ATXN1: variants seen among roughly 807,000 people sequenced by gnomAD.
ATXN1 encodes the protein ataxin-1.
Under a neutral mutation model 56.4 loss-of-function variants are expected in ATXN1, and 8 were observed. The observed-to-expected ratio is 0.14, with a 90% CI of 0.08 to 0.26. The LOEUF (loss-of-function observed/expected upper bound fraction) is 0.26. Among genes scored for constraint, ATXN1 ranks in the 10% least tolerant of loss-of-function variants. ATXN1 has a pLI of 1.00. For synonymous variants in ATXN1, 514 were observed against 494.6 expected, an observed-to-expected ratio of 1.04 and a Z score of -0.52; for missense variants, 987 against 1,106.5, an observed-to-expected ratio of 0.89 and a Z score of 1.53.
chr6:16,350,721 A>G (rs1303854449), intron 6 of ATXN1, among the ~76,000 whole-genome samples: 1 of 152,062 alleles, frequency 6.6e-6, no homozygotes, highest in Non-Finnish European at 1.5e-5. Context: ...TGGTGTCCCT[A>G]TTTGTGGGGA....
intron 2 of ATXN1, among the ~76,000 whole-genome samples, chr6:16,675,645 C>T (rs192974549): frequency 6.2e-4 from 94 of 152,184 alleles, no homozygotes; most frequent in African/African-American, 2.1e-3. Flanking sequence ...CTTTGGGAGG[C>T]TGAGGCTGGC....
intron 2 of ATXN1, among the ~76,000 whole-genome samples, chr6:16,718,359 T>C (rs535554604): frequency 6.6e-6 from 1 of 152,232 alleles, no homozygotes; most frequent in African/African-American, 2.4e-5. Context: ...CAAGGCCAAA[T>C]GCCCCCAAAC....
chr6:16,512,113 C>T (rs1020871982), intron 5 of ATXN1, among the ~76,000 whole-genome samples: 1 of 152,074 alleles, frequency 6.6e-6, no homozygotes, highest in Admixed American at 6.5e-5. Context: ...GCCTCCCCGC[C>T]TCCATTCAGC....
At chr6:16,539,989 A>G (rs1375179210) in intron 4 of ATXN1, among the ~76,000 whole-genome samples, 1 of 152,226 alleles carries the variant, frequency 6.6e-6, no homozygotes, top group Non-Finnish European at 1.5e-5. Context: ...AAGAGGATCC[A>G]TGCCACAGAA....
Position 16,302,477 on chromosome 6 carries a change from A to G in ATXN1, c.*3852T>C, listed in dbSNP as rs1430036433. On this transcript the variant is annotated 3_prime_UTR_variant, in exon 8 of 8. Transcript: ENST00000436367. ...TCCTGAAAGTCCAAATGAAAATTCA[A>G]TTTGGATTTCCACTTTAAAAGATCT... is the stretch of plus-strand genomic sequence containing the variant. 2 of 152,652 alleles carry G rather than the reference A, an allele frequency of 1.3e-5. No homozygotes were observed. The highest frequency in any genetic ancestry group is 2.9e-5 in the Non-Finnish European group (2 of 68,038). 9.5% of individuals were successfully genotyped at this position (152,652 alleles called of 1,614,324 possible).
intron 3 of ATXN1, among the ~76,000 whole-genome samples, chr6:16,622,318 G>C (rs1458480231): frequency 1.3e-5 from 2 of 152,108 alleles, no homozygotes; most frequent in Non-Finnish European, 2.9e-5. Context: ...CTTAGCTCAG[G>C]GCTCATAAAA....
At chr6:16,482,367 G>C (rs1446949553) in intron 6 of ATXN1, among the ~76,000 whole-genome samples, 1 of 152,224 alleles carries the variant, frequency 6.6e-6, no homozygotes. Flanking sequence ...TTGCAGACTA[G>C]TTGAGGAGAC....
At chr6:16,688,259 A>T (rs969358712) in intron 2 of ATXN1, among the ~76,000 whole-genome samples, 11 of 152,246 alleles carry the variant, frequency 7.2e-5, no homozygotes, top group African/African-American at 2.7e-4. Context: ...AACAAACAAA[A>T]AAGGACTAAT....
intron 2 of ATXN1, among the ~76,000 whole-genome samples, chr6:16,665,558 G>A (rs1169330812): frequency 6.6e-6 from 1 of 151,738 alleles, no homozygotes; most frequent in Admixed American, 6.6e-5. Flanking sequence ...GGGGTGGGGG[G>A]GTTCCCAAAG....
chr6:16,355,396 C>T (rs1209378082), intron 6 of ATXN1, among the ~76,000 whole-genome samples: 1 of 152,218 alleles, frequency 6.6e-6, no homozygotes, highest in African/African-American at 2.4e-5. Flanking sequence ...ACAGGTGACT[C>T]ATCTGCCACT....
intron 6 of ATXN1, among the ~76,000 whole-genome samples, chr6:16,351,046 G>A (rs1403855403): frequency 3.3e-5 from 5 of 151,978 alleles, no homozygotes; most frequent in Admixed American, 1.3e-4. Context: ...CTGAGATCGC[G>A]GCACTGCACT....
intron 4 of ATXN1, among the ~76,000 whole-genome samples, chr6:16,568,134 A>G (rs985545932): frequency 6.6e-5 from 10 of 152,248 alleles, no homozygotes; most frequent in Non-Finnish European, 1.2e-4. Flanking sequence ...CAATTTTTCT[A>G]CAATTTATAG....
intron 2 of ATXN1, among the ~76,000 whole-genome samples, chr6:16,703,716 A>G (rs941292474): frequency 9.9e-5 from 15 of 152,224 alleles, no homozygotes; most frequent in African/African-American, 1.4e-4. Flanking sequence ...ACTGAAATGC[A>G]TATTTAAAAA....
intron 3 of ATXN1, among the ~76,000 whole-genome samples, chr6:16,618,374 C>A (rs546987606): frequency 3.3e-5 from 5 of 152,262 alleles, no homozygotes; most frequent in East Asian, 1.9e-4. Flanking sequence ...CACATGTATA[C>A]CTATGTAACA....
At position 16,519,670 on chromosome 6, in the gene ATXN1, T is replaced by G. The variant is rs575205109; in HGVS notation, c.-299+2957A>C. Among the ~76,000 whole-genome samples the G allele has an allele frequency of 1.1e-4, 17 of 151,964 alleles. No individual in the cohort carries two copies. The South Asian group carries it at 3.5e-3, about 32-fold the overall frequency. On this transcript the variant is annotated intron_variant, in intron 5 of 7. Transcript: ENST00000436367. Reference sequence around the variant, plus strand: ...CCCAGGAAGTACCCTCCCCACCAGGTCATTCTGACAGAGCCGCTGTGCCAC... The same window carrying G: ...CCCAGGAAGTACCCTCCCCACCAGGGCATTCTGACAGAGCCGCTGTGCCAC...
At chr6:16,418,314 A>G (rs2113561673) in intron 6 of ATXN1, among the ~76,000 whole-genome samples, 1 of 152,320 alleles carries the variant, frequency 6.6e-6, no homozygotes, top group Middle Eastern at 3.4e-3. Flanking sequence ...TCCTGGCAAA[A>G]ACTCCTTGCA....
intron 6 of ATXN1, among the ~76,000 whole-genome samples, chr6:16,446,434 G>C (rs1759636986): frequency 6.6e-6 from 1 of 152,154 alleles, no homozygotes; most frequent in Non-Finnish European, 1.5e-5. Context: ...CTTCCTTTGG[G>C]GTGCCTGTTA....
intron 4 of ATXN1, among the ~76,000 whole-genome samples, chr6:16,542,962 G>A (rs976382424): frequency 1.1e-4 from 16 of 151,282 alleles, no homozygotes; most frequent in African/African-American, 3.6e-4. Context: ...TTTGTACCAC[G>A]CTTGACTGTG....
At chr6:16,444,014 G>C (rs534389169) in intron 6 of ATXN1, among the ~76,000 whole-genome samples, 1 of 152,166 alleles carries the variant, frequency 6.6e-6, no homozygotes, top group East Asian at 1.9e-4. Flanking sequence ...TACTCGGGAG[G>C]CTGAGGCAGG....
Sources: allele counts gnomAD v4.1 joint callset (sites outside exome capture counted in the v4.1 genomes callset), GRCh38; gene constraint gnomAD v4.1.1; transcripts MANE v1.5; gene names NCBI Gene and HGNC (gene_info 2026-07-23, HGNC 2026-07-21).